The following MCTP1 variants were observed in gnomAD, a reference collection of about 807,000 sequenced individuals.
The protein encoded by MCTP1 is multiple C2 and transmembrane domain containing 1.
A neutral mutation model predicts 120.6 loss-of-function variants in MCTP1; 69 were observed. That is an observed-to-expected ratio of 0.57 (90% CI 0.47 to 0.70). The LOEUF is 0.70. Among genes scored for constraint, MCTP1 ranks in the 30% least tolerant of loss-of-function variants. The probability of loss-of-function intolerance (pLI) is 0.00; values close to 1 mark genes in which losing one functional copy is unlikely to be tolerated. For synonymous variants in MCTP1, 529 were observed against 493.1 expected (o/e 1.07, Z -0.96); for missense variants, 1,203 against 1,248.8 (o/e 0.96, Z 0.55).
intron 17 of MCTP1, among the ~76,000 whole-genome samples, chr5:94,819,464 T>C (rs1785194346): frequency 6.6e-6 from 1 of 152,202 alleles, no homozygotes; most frequent in African/African-American, 2.4e-5. Context: ...TTGTCTCTGA[T>C]TGGCTTCCCT....
chr5:95,248,890 T>C (rs1199340927), intron 1 of MCTP1, among the ~76,000 whole-genome samples: 1 of 152,048 alleles, frequency 6.6e-6, no homozygotes. Context: ...TTGACAAATC[T>C]GACAAAAACA....
chr5:95,191,560 T>A (rs1749829085), intron 1 of MCTP1, among the ~76,000 whole-genome samples: 1 of 152,038 alleles, frequency 6.6e-6, no homozygotes, highest in Non-Finnish European at 1.5e-5. Flanking sequence ...CTTCTTACCC[T>A]CTCATGACTC....
At chr5:94,994,047 C>G (rs1832127190) in intron 2 of MCTP1, among the ~76,000 whole-genome samples, 1 of 152,182 alleles carries the variant, frequency 6.6e-6, no homozygotes, top group African/African-American at 2.4e-5. Context: ...AAGATTCTGT[C>G]CTCCTAAGAG....
At chr5:95,061,443 T>G (rs1294214690) in intron 1 of MCTP1, among the ~76,000 whole-genome samples, 1 of 67,424 alleles carries the variant, frequency 1.5e-5, no homozygotes, top group African/African-American at 6.0e-5. Context: ...TTTTTTTTTT[T>G]TTTTTTTTTT....
chr5:95,033,106 A>T (rs1840599652), intron 1 of MCTP1, among the ~76,000 whole-genome samples: 1 of 151,982 alleles, frequency 6.6e-6, no homozygotes, highest in African/African-American at 2.4e-5. Context: ...GTAATAAAAA[A>T]TCTACCAACC....
chr5:95,020,244 T>C (rs1474922731), intron 1 of MCTP1, among the ~76,000 whole-genome samples: 1 of 152,036 alleles, frequency 6.6e-6, no homozygotes, highest in Non-Finnish European at 1.5e-5. Context: ...ATGCATAGAA[T>C]TTGTAGAGTA....
intron 19 of MCTP1, among the ~76,000 whole-genome samples, chr5:94,771,537 C>A (rs1472291624): frequency 1.3e-5 from 2 of 151,984 alleles, no homozygotes; most frequent in East Asian, 3.9e-4. Flanking sequence ...GGGCAATAAC[C>A]CACTCTCATT....
rs560311430 is a variant in MCTP1 at position 94,847,578 on chromosome 5, A to G, written c.2436+20755T>C. On this transcript the variant is annotated intron_variant, in intron 17 of 22. Coordinates refer to ENST00000515393, the MANE Select transcript of MCTP1 (RefSeq NM_024717.7). ...TTGCCTTTTGTCTGTCTCCCACACA[A>G]AAGAAGGGATCTGGGGAGATGTAGG... 6.6e-5 allele frequency among the ~76,000 whole-genome samples: 10 copies of G among 151,604 alleles called. No individual in the cohort carries two copies. In the East Asian group the frequency reaches 1.9e-3, roughly 29 times the overall value.
chr5:95,118,429 C>T (rs1342682258), intron 1 of MCTP1, among the ~76,000 whole-genome samples: 17 of 151,440 alleles, frequency 1.1e-4, no homozygotes, highest in Admixed American at 1.1e-3. Context: ...ATCAAATGAC[C>T]AGAAAAAAAT....
intron 1 of MCTP1, among the ~76,000 whole-genome samples, chr5:95,179,188 A>AT (rs1327086600): frequency 6.6e-6 from 1 of 152,226 alleles, no homozygotes; most frequent in Non-Finnish European, 1.5e-5. Flanking sequence ...TATGTTAGGC[A>AT]TCCAAACCTA....
In MCTP1 at chr5:94,766,906, C is replaced by T. The variant is rs73133919; in HGVS notation, c.2610+12204G>A. ...AAACTGTTTCAAACAATTGAAAGGA[C>T]GGAATTCTTCCTAACGCATTCTATG... On this transcript the variant is annotated intron_variant, in intron 19 of 22. Transcript: ENST00000515393. Among the ~76,000 whole-genome samples the T allele has an allele frequency of 1.7e-4, 26 of 152,120 alleles. No individual in the cohort carries two copies. In the South Asian group the frequency reaches 3.9e-3, roughly 23 times the overall value.
intron 2 of MCTP1, among the ~76,000 whole-genome samples, chr5:94,960,248 A>G (rs2153555419): frequency 6.6e-6 from 1 of 152,228 alleles, no homozygotes; most frequent in East Asian, 1.9e-4. Context: ...CCCCTTCCTT[A>G]CACATTATAC....
At chr5:95,086,763 A>G (rs1256195132) in intron 1 of MCTP1, among the ~76,000 whole-genome samples, 1 of 152,218 alleles carries the variant, frequency 6.6e-6, no homozygotes, top group Admixed American at 6.5e-5. Flanking sequence ...TCACATAATG[A>G]TATTTTCTCC....
chr5:95,006,483 A>C (rs1834789604), intron 2 of MCTP1, among the ~76,000 whole-genome samples: 1 of 152,190 alleles, frequency 6.6e-6, no homozygotes, highest in Non-Finnish European at 1.5e-5. Context: ...TGTTTAAAGA[A>C]ATAACATTAG....
chr5:95,074,425 A>C (rs73776175), intron 1 of MCTP1, among the ~76,000 whole-genome samples: 150 of 152,374 alleles, frequency 9.8e-4, no homozygotes, highest in African/African-American at 3.3e-3. Context: ...TGACAAAGGT[A>C]TAATTAATAG....
At chr5:94,948,887 C>T (rs1819783153) in intron 3 of MCTP1, among the ~76,000 whole-genome samples, 1 of 152,000 alleles carries the variant, frequency 6.6e-6, no homozygotes, top group Non-Finnish European at 1.5e-5. Context: ...TTATAAGCTA[C>T]CGAGAAATAA....
intron 1 of MCTP1, among the ~76,000 whole-genome samples, chr5:95,071,044 A>G (rs1418649171): frequency 2.6e-5 from 4 of 152,188 alleles, no homozygotes; most frequent in African/African-American, 9.7e-5. Context: ...ATGGACTGGA[A>G]CAAAGGGGAA....
intron 3 of MCTP1, among the ~76,000 whole-genome samples, chr5:94,942,983 G>C (rs1414504343): frequency 2.6e-5 from 4 of 151,968 alleles, no homozygotes; most frequent in African/African-American, 9.7e-5. Context: ...AAACTAAAAT[G>C]AAAAGAAAAG....
chr5:95,182,747 C>T (rs1162233645), intron 1 of MCTP1, among the ~76,000 whole-genome samples: 1 of 152,016 alleles, frequency 6.6e-6, no homozygotes, highest in Non-Finnish European at 1.5e-5. Context: ...ATGGGGGGGA[C>T]TCATGTTAAC....
Sources: allele counts gnomAD v4.1 joint callset (sites outside exome capture counted in the v4.1 genomes callset), GRCh38; gene constraint gnomAD v4.1.1; transcripts MANE v1.5; gene names NCBI Gene and HGNC (gene_info 2026-07-23, HGNC 2026-07-21).